EIF2D: variants seen among roughly 807,000 people sequenced by gnomAD.
The protein encoded by EIF2D is hepatocellular carcinoma-associated antigen 56.
Under a neutral mutation model 77.4 loss-of-function variants are expected in EIF2D, and 56 were observed. The observed-to-expected ratio is 0.72, with a 90% CI of 0.58 to 0.90. EIF2D has a LOEUF of 0.90. EIF2D is among the 40% of genes least tolerant of loss of function. The probability of loss-of-function intolerance (pLI) is 0.00; values close to 1 mark genes in which losing one functional copy is unlikely to be tolerated. For synonymous variants in EIF2D, 230 were observed against 271.0 expected (o/e 0.85, Z 1.49); for missense variants, 574 against 706.5 (o/e 0.81, Z 2.13).
rs782358831 is a variant in EIF2D at position 206,603,012 on chromosome 1, G to A, written c.723C>T (p.Ala241=). The change falls in exon 6 of 15, where the codon GCC becomes GCT. Residue 241 remains alanine, a synonymous_variant. Transcript: ENST00000271764. ...QAREDKSLSE[A]PEDTSTRGLN... Reference sequence around the variant, plus strand: ...GGCCCCTGGTGCTGGTGTCTTCTGGGGCTTCTGAGAGAGACTTGTCTTCAC... The same window carrying A: ...GGCCCCTGGTGCTGGTGTCTTCTGGAGCTTCTGAGAGAGACTTGTCTTCAC... 1.9e-5 allele frequency: 30 copies of A among 1,613,926 alleles called. No individual in the cohort carries two copies. The Middle Eastern group carries it at 4.9e-4, about 27-fold the overall frequency.
downstream of EIF2D, chr1:206,587,088 C>G: frequency 7.3e-7 from 1 of 1,374,262 alleles, no homozygotes; most frequent in Non-Finnish European, 1.0e-6. Context: ...GCATTTGTGC[C>G]TGCCCAGCAG....
chr1:206,570,871 C>T (rs543168319), downstream of EIF2D, among the ~76,000 whole-genome samples: 6 of 152,220 alleles, frequency 3.9e-5, no homozygotes, highest in East Asian at 5.8e-4. Context: ...TACTGTGAAT[C>T]GTGCCGCTGC....
intron 14 of EIF2D, 64 bp from the exon 15 acceptor site, chr1:206,591,909 C>T (rs1669354990): frequency 6.5e-7 from 1 of 1,530,700 alleles, no homozygotes; most frequent in Non-Finnish European, 9.1e-7. Context: ...TGGCCCTCCA[C>T]CAGTCCCCGT....
chr1:206,569,884 G>T (rs1167638149), downstream of EIF2D, among the ~76,000 whole-genome samples: 1 of 152,054 alleles, frequency 6.6e-6, no homozygotes, highest in Non-Finnish European at 1.5e-5. Flanking sequence ...AAAAGAGCCT[G>T]GTCTTGGAGG....
At chr1:206,611,122 A>C (rs1410551840) in intron 2 of EIF2D, 62 bp downstream of exon 2, 7 of 1,457,662 alleles carry the variant, frequency 4.8e-6, no homozygotes, top group Admixed American at 2.0e-5. Context: ...AGAAACAGAG[A>C]GAAGCAGATG....
intron 4 of EIF2D, among the ~76,000 whole-genome samples, chr1:206,575,016 TTTTTTG>T (rs1316163857): frequency 8.4e-6 from 1 of 119,516 alleles, no homozygotes; most frequent in Non-Finnish European, 1.9e-5. Flanking sequence ...CACGGATAAT[TTTTTTG>T]TTTTTGTTTT....
rs1279617709 is a variant in EIF2D at position 206,584,979 on chromosome 1, A to G, written c.139-3817T>C. 1 of 609,910 alleles carries G rather than the reference A, an allele frequency of 1.6e-6. No homozygotes were observed. Among genetic ancestry groups the G allele is most frequent in the Non-Finnish European group, 2.9e-6 (1 of 344,162 alleles). The allele number at this position is 609,910 out of a possible 1,614,324, so 37.8% of individuals were successfully genotyped here. On this transcript the variant is annotated intron_variant and NMD_transcript_variant, in intron 2 of 5. Transcript: ENST00000472709. The surrounding 1 kb of genome is among the most constrained non-coding windows in gnomAD (Gnocchi z 4.9). Reference sequence around the variant, plus strand: ...TCTTTCAGGAGATGATGTGAATGGAATCATGCTTTAAACTCTGAGCAGACA... The same window carrying G: ...TCTTTCAGGAGATGATGTGAATGGAGTCATGCTTTAAACTCTGAGCAGACA...
chr1:206,572,297 C>G lies in EIF2D; in HGVS notation c.*359+298G>C, dbSNP rs150586344. ...CGCCTCAGTGAACAAGCCAAAGACC[C>G]TGCCTTGAGGGAGCTTCTTCCGAGA... On this transcript the variant is annotated intron_variant and NMD_transcript_variant, in intron 5 of 5. Coordinates refer to the EIF2D transcript ENST00000472709. Among the ~76,000 whole-genome samples the G allele has an allele frequency of 3.7e-3, 570 of 152,262 alleles. 5 individuals are homozygous for G. The highest frequency in any genetic ancestry group is 0.013 in the African/African-American group (537 of 41,548).
downstream of EIF2D, chr1:206,586,873 G>T (rs1553407760): frequency 1.9e-6 from 3 of 1,614,062 alleles, no homozygotes; most frequent in East Asian, 4.5e-5. Flanking sequence ...TAACAATCCT[G>T]GAAAAAGAGG....
chr1:206,580,400 G>A (rs765539766), intron 4 of EIF2D, among the ~76,000 whole-genome samples: 15 of 152,194 alleles, frequency 9.9e-5, no homozygotes, highest in Non-Finnish European at 1.9e-4. Flanking sequence ...TACCTCCTGA[G>A]GAGCAATAGC....
chr1:206,569,268 C>G (rs1668373622), downstream of EIF2D, among the ~76,000 whole-genome samples: 1 of 152,224 alleles, frequency 6.6e-6, no homozygotes, highest in African/African-American at 2.4e-5. Context: ...TACAGAAAGA[C>G]TGTGGGCTCA....
At chr1:206,594,531 G>A (rs1340827491) in intron 13 of EIF2D, 3 of 152,280 alleles carry the variant, frequency 2.0e-5, no homozygotes, top group Non-Finnish European at 4.4e-5. Flanking sequence ...TATCAGGGGT[G>A]TGTGGGGGAT....
rs1395826704 is a variant in EIF2D at position 206,612,432 on chromosome 1, G to A, written c.-90C>T. 1.9e-5 allele frequency: 30 copies of A among 1,551,710 alleles called. No individual in the cohort carries two copies. The South Asian group carries it at 2.7e-4, about 14-fold the overall frequency. On this transcript the variant is annotated 5_prime_UTR_variant, in exon 1 of 15. Coordinates refer to ENST00000271764, the MANE Select transcript of EIF2D (RefSeq NM_006893.3). ...AGCAGCTGCCAGGCCCTCAGCCGTG[G>A]GGGCAGCCATGCTGGGGCCCGGCCG...
chr1:206,605,311 G>A (rs1572408131), intron 5 of EIF2D, 89 bp downstream of exon 5: 3 of 900,742 alleles, frequency 3.3e-6, no homozygotes. Context: ...GACATGGCTA[G>A]GACCAAAACT....
chr1:206,601,852 T>TA (rs1669936590), intron 7 of EIF2D: 1 of 157,738 alleles, frequency 6.3e-6, no homozygotes, highest in Non-Finnish European at 1.4e-5. Context: ...TGATGGCTTG[T>TA]GTTTTGGATG....
At chr1:206,608,976 TG>T (rs1244991386) in intron 3 of EIF2D, among the ~76,000 whole-genome samples, 1 of 151,690 alleles carries the variant, frequency 6.6e-6, no homozygotes, top group Non-Finnish European at 1.5e-5. Flanking sequence ...CACTTGAACC[TG>T]GGAGGCAGAG....
intron 4 of EIF2D, among the ~76,000 whole-genome samples, chr1:206,577,443 A>G (rs1428329154): frequency 1.3e-5 from 2 of 152,114 alleles, no homozygotes; most frequent in African/African-American, 4.8e-5. Context: ...CCATTATCTC[A>G]TTTGATTTTT....
intron 4 of EIF2D, among the ~76,000 whole-genome samples, chr1:206,578,513 A>G (rs898330475): frequency 5.3e-5 from 8 of 152,204 alleles, no homozygotes; most frequent in Admixed American, 5.2e-4. Flanking sequence ...AGCTTGACAA[A>G]TAAAGTGACT....
chr1:206,604,559 C>T (rs1249198477), intron 5 of EIF2D: 2 of 151,708 alleles, frequency 1.3e-5, no homozygotes, highest in East Asian at 3.9e-4. Context: ...ATGGTGAAAC[C>T]CCGTCTCTAC....
Sources: gnomAD v4.1 joint callset for allele counts (sites outside exome capture counted in the v4.1 genomes callset) on GRCh38, gnomAD v4.1.1 for gene constraint, Gnocchi (gnomAD v3.1) non-coding constraint, MANE v1.5 for transcripts, NCBI Gene and HGNC (gene_info 2026-07-23, HGNC 2026-07-21) for gene names.